Variants in TMEM233 observed in about 807,000 individuals in gnomAD.
The protein encoded by TMEM233 is transmembrane protein 233, also known as dispanin subfamily B member 2.
TMEM233 carries 6 observed loss-of-function variants against 11.2 expected under a neutral mutation model. The ratio of observed to expected loss-of-function variants is 0.54; its 90% CI spans 0.29 to 1.06. The LOEUF (loss-of-function observed/expected upper bound fraction) is 1.06, where lower values mean the gene tolerates loss of function less well. Among genes scored for constraint, TMEM233 ranks in the 50% least tolerant of loss-of-function variants. The pLI, the probability that TMEM233 is intolerant of heterozygous loss-of-function variation, is 0.08. For missense variants in TMEM233, 127 were observed against 144.7 expected, an observed-to-expected ratio of 0.88 and a Z score of 0.63; for synonymous variants, 59 against 55.8, an observed-to-expected ratio of 1.06 and a Z score of -0.26.
chr12:119,648,752 G>GAATTAATT, the TMEM233 span, among the ~76,000 whole-genome samples: 225 of 152,162 alleles, frequency 1.5e-3, 3 homozygotes, highest in African/African-American at 5.0e-3. Flanking sequence ...ATGAATGAAT[G>GAATTAATT]AATTAATTAA....
intron 1 of TMEM233, among the ~76,000 whole-genome samples, chr12:119,627,906 G>A (rs544792310): frequency 1.1e-3 from 161 of 152,258 alleles, no homozygotes; most frequent in African/African-American, 3.2e-3. Context: ...GCAATGACTC[G>A]GAAGTTGTCA....
intron 1 of TMEM233, among the ~76,000 whole-genome samples, chr12:119,616,243 C>A (rs1026148808): frequency 6.6e-6 from 1 of 152,192 alleles, no homozygotes; most frequent in Non-Finnish European, 1.5e-5. Flanking sequence ...CTGCAGGAGA[C>A]TCCTGCATGC....
At chr12:119,640,331 T>G (rs1028007590) in intron 2 of TMEM233, among the ~76,000 whole-genome samples, 2 of 152,258 alleles carry the variant, frequency 1.3e-5, no homozygotes, top group African/African-American at 4.8e-5. Context: ...ATTTTTTTTG[T>G]ATTTTTAGTA....
rs1421347312 is a variant in TMEM233 at position 119,640,741 on chromosome 12, T to A, written c.*36T>A. The A allele has an allele frequency of 1.3e-6, 2 of 1,549,944 alleles. No homozygotes were observed. The highest frequency in any genetic ancestry group is 1.4e-5 in the African/African-American group (1 of 72,946). On this transcript the variant is annotated 3_prime_UTR_variant, in exon 3 of 3. Transcript: ENST00000426426. ...GTCAGTGGGCTGTGAGCGTGGAGGA[T>A]GGACCTCATCCACACACACCCCAAA...
At chr12:119,619,572 T>C (rs1245523163) in intron 1 of TMEM233, among the ~76,000 whole-genome samples, 1 of 151,642 alleles carries the variant, frequency 6.6e-6, no homozygotes, top group African/African-American at 2.4e-5. Context: ...GCCAGGGAAG[T>C]TGAGGTTGCA....
chr12:119,627,004 G>T lies in TMEM233; in HGVS notation c.187-2732G>T, dbSNP rs150246350. Among the ~76,000 whole-genome samples, 783 of 152,344 alleles carry T rather than the reference G, an allele frequency of 5.1e-3. 11 individuals carry two copies. The highest frequency in any genetic ancestry group is 0.018 in the African/African-American group (740 of 41,582). ...GAGCCCAATAACCCTTAAGTTGCTGGATCATGGGGAAACCGGGGAAAAGGC... is the reference window on the plus strand; with the variant it reads ...GAGCCCAATAACCCTTAAGTTGCTGTATCATGGGGAAACCGGGGAAAAGGC... On this transcript the variant is annotated intron_variant, in intron 1 of 2. Coordinates refer to ENST00000426426, the MANE Select transcript of TMEM233 (RefSeq NM_001136534.3).
intron 1 of TMEM233, among the ~76,000 whole-genome samples, chr12:119,613,562 C>T (rs974623920): frequency 6.6e-6 from 1 of 152,148 alleles, no homozygotes; most frequent in African/African-American, 2.4e-5. Context: ...GCCTGTAATC[C>T]CAGCACTTTC....
intron 1 of TMEM233, among the ~76,000 whole-genome samples, chr12:119,602,550 G>A (rs1566097440): frequency 1.3e-5 from 2 of 152,156 alleles, no homozygotes; most frequent in South Asian, 2.1e-4. Flanking sequence ...TGGGAAGGCC[G>A]CATTCCAGAT....
At chr12:119,622,237 A>G (rs747765806) in intron 1 of TMEM233, among the ~76,000 whole-genome samples, 3 of 152,206 alleles carry the variant, frequency 2.0e-5, no homozygotes, top group Non-Finnish European at 4.4e-5. Flanking sequence ...ATGCGGGGAA[A>G]AAATCTAGAA....
chr12:119,612,053 G>A (rs1954409798), intron 1 of TMEM233, among the ~76,000 whole-genome samples: 1 of 151,826 alleles, frequency 6.6e-6, no homozygotes, highest in Admixed American at 6.6e-5. Context: ...GAGTGCAGTG[G>A]TGTGGTCTCA....
the TMEM233 span, among the ~76,000 whole-genome samples, chr12:119,650,230 A>T: frequency 2.0e-5 from 3 of 152,162 alleles, no homozygotes; most frequent in South Asian, 2.1e-4. Context: ...ATTCTGCTAA[A>T]CCTTTGACAT....
At chr12:119,627,748 G>A (rs1169016051) in intron 1 of TMEM233, among the ~76,000 whole-genome samples, 1 of 152,166 alleles carries the variant, frequency 6.6e-6, no homozygotes, top group African/African-American at 2.4e-5. Context: ...ACTGAGGTAG[G>A]AGGCGGGACT....
intron 1 of TMEM233, among the ~76,000 whole-genome samples, chr12:119,617,401 G>GC (rs1269145235): frequency 6.6e-6 from 1 of 152,088 alleles, no homozygotes; most frequent in Non-Finnish European, 1.5e-5. Context: ...TTTTGCCCCT[G>GC]CCCCAGAGAT....
rs1366757767 is a variant in TMEM233, at chr12:119,640,774, C to T, written c.*69C>T. On this transcript the variant is annotated 3_prime_UTR_variant, in exon 3 of 3. Transcript: ENST00000426426. Reference sequence around the variant, plus strand: ...ATCCACACACACCCCAAAGGAGTTTCTAAGGAATGGATCCTTGACTTCAGA... The same window carrying T: ...ATCCACACACACCCCAAAGGAGTTTTTAAGGAATGGATCCTTGACTTCAGA... The T allele has an allele frequency of 3.3e-6, 5 of 1,524,040 alleles. No homozygotes were observed. Among genetic ancestry groups the T allele is most frequent in the Non-Finnish European group, 4.4e-6 (5 of 1,125,202 alleles). 94.4% of individuals were successfully genotyped at this position (1,524,040 alleles called of 1,614,324 possible). A position where few individuals can be genotyped will look rare whatever the true frequency, so the allele number is the denominator to read the frequency against.
the TMEM233 span, among the ~76,000 whole-genome samples, chr12:119,649,946 A>C: frequency 6.6e-6 from 1 of 151,128 alleles, no homozygotes; most frequent in African/African-American, 2.4e-5. Context: ...ATCACGAGGT[A>C]AGGAGATCAA....
At chr12:119,649,063 C>T in the TMEM233 span, among the ~76,000 whole-genome samples, 13 of 152,058 alleles carry the variant, frequency 8.5e-5, no homozygotes, top group Non-Finnish European at 1.6e-4. Context: ...TTTGGGAGGC[C>T]GAGGTAGGAG....
At chr12:119,602,190 T>A (rs981436647) in intron 1 of TMEM233, among the ~76,000 whole-genome samples, 2 of 151,692 alleles carry the variant, frequency 1.3e-5, no homozygotes, top group Admixed American at 6.6e-5. Flanking sequence ...TGAAACATAG[T>A]TTTGACTGCT....
intron 1 of TMEM233, among the ~76,000 whole-genome samples, chr12:119,609,888 A>G (rs1954360957): frequency 6.6e-6 from 1 of 152,228 alleles, no homozygotes; most frequent in South Asian, 2.1e-4. Flanking sequence ...CCCCCCACAG[A>G]GTCCCCATGG....
chr12:119,649,854 TAAAAA>T, the TMEM233 span, among the ~76,000 whole-genome samples: 42 of 91,316 alleles, frequency 4.6e-4, no homozygotes, highest in African/African-American at 1.8e-3. Flanking sequence ...GTTTAACTAT[TAAAAA>T]AAAAAAAAAA....
Sources: gnomAD v4.1 joint callset for allele counts (sites outside exome capture counted in the v4.1 genomes callset) on GRCh38, gnomAD v4.1.1 for gene constraint, MANE v1.5 for transcripts, NCBI Gene and HGNC (gene_info 2026-07-23, HGNC 2026-07-21) for gene names.